ATP6V0C: variants seen among roughly 807,000 people sequenced by gnomAD.
ATP6V0C encodes ATPase H+ transporting V0 subunit c.
In ATP6V0C, 2 loss-of-function variants were observed where a neutral mutation model predicts 10.6. The ratio of observed to expected loss-of-function variants is 0.19; its 90% confidence interval spans 0.08 to 0.59. The LOEUF (loss-of-function observed/expected upper bound fraction) is 0.59. Among genes scored for constraint, ATP6V0C ranks in the 20% least tolerant of loss-of-function variants. ATP6V0C has a pLI of 0.90. For synonymous variants in ATP6V0C, 128 were observed against 101.3 expected, an observed-to-expected ratio of 1.26 and a Z score of -1.59; for missense variants, 89 against 225.9, an observed-to-expected ratio of 0.39 and a Z score of 3.88.
Position 2,514,116 on chromosome 16 carries a change from A to G in ATP6V0C, c.13A>G (p.Lys5Glu). 1 of 1,584,522 alleles carries G rather than the reference A, an allele frequency of 6.3e-7. No individual in the cohort carries two copies. Among genetic ancestry groups the G allele is most frequent in the Admixed American group, 1.7e-5 (1 of 57,726 alleles). The change falls in exon 1 of 3, where the codon AAG becomes GAG. Residue 5 changes from lysine to glutamate, a missense_variant. Around this residue, in one of 4 missense-constraint regions of ATP6V0C, gnomAD observed 26 missense variants for 33.7 expected, o/e 0.77. Transcript: ENST00000330398. ...CCCACCCGCAGACATGTCCGAGTCC[A>G]AGAGCGGCCCCGAGTATGCTTCGTT... MSES[K>E]SGPEYASFFA...
At chr16:2,516,637 G>C (rs1392037393) in intron 1 of ATP6V0C, 1 of 152,384 alleles carries the variant, frequency 6.6e-6, no homozygotes, top group Non-Finnish European at 1.5e-5. Flanking sequence ...CCCCGTCCCA[G>C]CTTCCCCTTT....
At chr16:2,518,384 C>A (rs530690072) in intron 1 of ATP6V0C, among the ~76,000 whole-genome samples, 18 of 152,222 alleles carry the variant, frequency 1.2e-4, no homozygotes, top group African/African-American at 4.3e-4. Context: ...AGCACTGTTG[C>A]GGTGGGAGGC....
intron 1 of ATP6V0C, among the ~76,000 whole-genome samples, chr16:2,516,370 G>C (rs533886503): frequency 2.0e-5 from 3 of 151,988 alleles, no homozygotes; most frequent in Admixed American, 6.6e-5. Flanking sequence ...CTTCTGCCTC[G>C]TAAAGGGCTG....
Position 2,513,998 on chromosome 16 carries a change from C to A in ATP6V0C, c.-106C>A, listed in dbSNP as rs1024402919. On this transcript the variant is annotated 5_prime_UTR_variant, in exon 1 of 3. Transcript: ENST00000330398. ...GAGCGCAGCGGCTGACGGGCCGGAT[C>A]GCCTTCGCCGCCGCCCGCCCGCAAA... is the stretch of plus-strand genomic sequence containing the variant. The A allele has an allele frequency of 4.0e-6, 4 of 1,009,542 alleles. No homozygotes were observed. Among genetic ancestry groups the A allele is most frequent in the Non-Finnish European group, 4.3e-6 (3 of 698,064 alleles). 62.5% of individuals were successfully genotyped at this position (1,009,542 alleles called of 1,614,324 possible). A position where few individuals can be genotyped will look rare whatever the true frequency, so the allele number is the denominator to read the frequency against.
At chr16:2,519,129 C>T in intron 1 of ATP6V0C, 89 bp from the exon 2 acceptor site, 1 of 1,404,786 alleles carries the variant, frequency 7.1e-7, no homozygotes, top group Non-Finnish European at 9.5e-7. Context: ...TTGGGGTGGC[C>T]CTTGGAGCTG....
Position 2,520,060 on chromosome 16 carries a change from T to C in ATP6V0C, c.*315T>C. ...TATTTATAAAGATCTGGCCTGTTCCTGCGTCTGCGGAGCGGCCCTTGTCTC... is the reference window on the plus strand; with the variant it reads ...TATTTATAAAGATCTGGCCTGTTCCCGCGTCTGCGGAGCGGCCCTTGTCTC... On this transcript the variant is annotated 3_prime_UTR_variant, in exon 3 of 3. Transcript: ENST00000330398. The C allele has an allele frequency of 1.6e-6, 1 of 631,540 alleles. No homozygotes were observed. Among genetic ancestry groups the C allele is most frequent in the East Asian group, 3.2e-5 (1 of 31,026 alleles). The allele number at this position is 631,540 out of a possible 1,614,324, so 39.1% of individuals were successfully genotyped here. A position where few individuals can be genotyped will look rare whatever the true frequency, so the allele number is the denominator to read the frequency against.
intron 1 of ATP6V0C, among the ~76,000 whole-genome samples, chr16:2,514,692 C>A (rs948009638): frequency 1.5e-4 from 23 of 152,056 alleles, no homozygotes; most frequent in Non-Finnish European, 2.9e-5. Flanking sequence ...CAGCCCTCGC[C>A]CTTATGGCGG....
In ATP6V0C at chr16:2,519,280, C is replaced by T. The variant is rs770613842; in HGVS notation, c.142C>T (p.Arg48Trp). Residue 48 changes from arginine (R) to tryptophan (W), a missense_variant, in exon 2 of 3, where the codon CGG becomes TGG. Transcript: ENST00000330398. ...GTGIAAMSVM[R>W]PEQIMKSIIP... ...CGGCATTGCGGCCATGTCTGTCATG[C>T]GGCCGGAGCAGATCATGAAGTCCAT... 3.1e-6 allele frequency: 5 copies of T among 1,614,130 alleles called. 1 individual carries two copies. The highest frequency in any genetic ancestry group is 4.2e-6 in the Non-Finnish European group (5 of 1,179,974).
chr16:2,517,278 G>C (rs1185860616), intron 1 of ATP6V0C: 1 of 152,322 alleles, frequency 6.6e-6, no homozygotes, highest in East Asian at 1.9e-4. Context: ...AGGTGCACTG[G>C]GTGTTGGCAT....
chr16:2,514,036 G>A lies in ATP6V0C; in HGVS notation c.-68G>A, dbSNP rs1333067104. ...GCCCGCCCGCAAACCTTCGTGCCCG[G>A]CCCGTCCTCGCCCCCGCCTCCGCCA... On this transcript the variant is annotated 5_prime_UTR_variant, in exon 1 of 3. Coordinates refer to ENST00000330398, the MANE Select transcript of ATP6V0C (RefSeq NM_001694.4). 2.8e-6 allele frequency: 4 copies of A among 1,436,422 alleles called. No individual in the cohort carries two copies. Among genetic ancestry groups the A allele is most frequent in the Middle Eastern group, 2.2e-4 (1 of 4,566 alleles). 89.0% of individuals were successfully genotyped at this position (1,436,422 alleles called of 1,614,324 possible). A position where few individuals can be genotyped will look rare whatever the true frequency, so the allele number is the denominator to read the frequency against.
upstream of ATP6V0C, chr16:2,513,885 G>A: frequency 2.4e-6 from 1 of 414,700 alleles, no homozygotes. Flanking sequence ...TCTCCCCCAC[G>A]GTGCGAAGTG....
rs1480285336 is a variant in ATP6V0C at position 2,520,179 on chromosome 16, C to A, written c.*434C>A. ...GCCGCCCTCACCGCCGGGCCCGTGGCCCTGCGCGGAGCTGTGTCCAATAAA... is the reference window on the plus strand; with the variant it reads ...GCCGCCCTCACCGCCGGGCCCGTGGACCTGCGCGGAGCTGTGTCCAATAAA... On this transcript the variant is annotated 3_prime_UTR_variant, in exon 3 of 3. Coordinates refer to ENST00000330398, the MANE Select transcript of ATP6V0C (RefSeq NM_001694.4). The A allele has an allele frequency of 3.1e-5, 16 of 520,698 alleles. No individual in the cohort carries two copies. Among genetic ancestry groups the A allele is most frequent in the Non-Finnish European group, 5.3e-5 (15 of 281,844 alleles). The allele number at this position is 520,698 out of a possible 1,614,324, so 32.3% of individuals were successfully genotyped here.
At position 2,520,072 on chromosome 16, in the gene ATP6V0C, G is replaced by GCGGCC. The variant is rs1003454209; in HGVS notation, c.*329_*333dup. The GCGGCC allele has an allele frequency of 4.8e-6, 3 of 623,030 alleles. No homozygotes were observed. In the African/African-American group the frequency reaches 5.4e-5, roughly 11 times the overall value. 38.6% of individuals were successfully genotyped at this position (623,030 alleles called of 1,614,324 possible). On this transcript the variant is annotated 3_prime_UTR_variant, in exon 3 of 3. Transcript: ENST00000330398. Reference sequence around the variant, plus strand: ...TCTGGCCTGTTCCTGCGTCTGCGGAGCGGCCCTTGTCTCCCAGCTATCTAT... The same window carrying GCGGCC: ...TCTGGCCTGTTCCTGCGTCTGCGGAGCGGCCCGGCCCTTGTCTCCCAGCTATCTAT...
upstream of ATP6V0C, chr16:2,513,844 C>T (rs966602887): frequency 3.1e-6 from 1 of 325,544 alleles, no homozygotes; most frequent in South Asian, 4.1e-5. Flanking sequence ...CGGGGGAGGT[C>T]AACGGGCCGG....
Position 2,519,197 on chromosome 16 carries a change from C to A in ATP6V0C, c.80-21C>A, listed in dbSNP as rs774422091. 1.9e-6 allele frequency: 3 copies of A among 1,597,244 alleles called. No homozygotes were observed. The African/African-American group carries it at 4.0e-5, about 21-fold the overall frequency. ...ACTGGCCTGCGTACTGCTGTGGGCT[C>A]ACCCCGCCTTCCTCCCACAGCCCTG... is the stretch of plus-strand genomic sequence containing the variant. On this transcript the variant is annotated intron_variant, in intron 1 of 2. Transcript: ENST00000330398.
intron 1 of ATP6V0C, among the ~76,000 whole-genome samples, chr16:2,516,124 C>A (rs1419907279): frequency 3.4e-5 from 5 of 148,300 alleles, no homozygotes; most frequent in African/African-American, 1.0e-4. Flanking sequence ...TTTTTTCTCC[C>A]CTCCTCAAGA....
intron 2 of ATP6V0C, 54 bp from the exon 3 acceptor site, chr16:2,519,485 CTT>C: frequency 6.5e-7 from 1 of 1,547,916 alleles, no homozygotes; most frequent in Non-Finnish European, 8.7e-7. Flanking sequence ...GACCCGGACC[CTT>C]GTCTCCCCCT....
chr16:2,520,117 C>A lies in ATP6V0C; in HGVS notation c.*372C>A. 1 of 578,738 alleles carries A rather than the reference C, an allele frequency of 1.7e-6. No homozygotes were observed. The allele number at this position is 578,738 out of a possible 1,614,324, so 35.9% of individuals were successfully genotyped here. The stretch of plus-strand genomic sequence containing the variant: ...ATCTATAACCTTAGCTAGAGTGTCG[C>A]CTTGTGGGTTCCTGTTGCTGAGACT... On this transcript the variant is annotated 3_prime_UTR_variant, in exon 3 of 3. Transcript: ENST00000330398.
chr16:2,519,919 C>CCGG lies in ATP6V0C; in HGVS notation c.*174_*175insCGG. ...TCCCCGGCCTTGCCCCCGCCCGCCC[C>CCGG]GTGCCGTGGACATCTGGGCCCACTC... On this transcript the variant is annotated 3_prime_UTR_variant, in exon 3 of 3. Coordinates refer to ENST00000330398, the MANE Select transcript of ATP6V0C (RefSeq NM_001694.4). 1.1e-6 allele frequency: 1 copy of CCGG among 951,928 alleles called. No homozygotes were observed. Among genetic ancestry groups the CCGG allele is most frequent in the South Asian group, 1.4e-5 (1 of 70,986 alleles). 59.0% of individuals were successfully genotyped at this position (951,928 alleles called of 1,614,324 possible). A position where few individuals can be genotyped will look rare whatever the true frequency, so the allele number is the denominator to read the frequency against.
Sources: allele counts gnomAD v4.1 joint callset (sites outside exome capture counted in the v4.1 genomes callset), GRCh38; gene constraint gnomAD v4.1.1; regional missense constraint gnomAD v4.1.1; transcripts MANE v1.5; gene names NCBI Gene and HGNC (gene_info 2026-07-23, HGNC 2026-07-21).